The following ANKRD17 variants were observed in gnomAD, a reference collection of about 807,000 sequenced individuals.
ANKRD17 encodes ankyrin repeat domain-containing protein 17.
Under a neutral mutation model 229.7 loss-of-function variants are expected in ANKRD17, and 19 were observed. The ratio of observed to expected loss-of-function variants is 0.08; its 90% CI spans 0.06 to 0.12. The LOEUF (loss-of-function observed/expected upper bound fraction) is 0.12, where lower values mean the gene tolerates loss of function less well. Among genes scored for constraint, ANKRD17 ranks in the 10% least tolerant of loss-of-function variants. The probability of loss-of-function intolerance (pLI) is 1.00; values close to 1 mark genes in which losing one functional copy is unlikely to be tolerated. For missense variants in ANKRD17, 2,176 were observed against 3,176.8 expected (o/e 0.68, Z 7.57); for synonymous variants, 1,112 against 1,146.1 (o/e 0.97, Z 0.60).
chr4:73,106,501 C>A (rs1254236374), intron 24 of ANKRD17, among the ~76,000 whole-genome samples: 1 of 152,002 alleles, frequency 6.6e-6, no homozygotes, highest in African/African-American at 2.4e-5. Context: ...AGAGAGAAGA[C>A]CTGAATGTTT....
At chr4:73,232,355 TA>T (rs1282993141) in intron 1 of ANKRD17, among the ~76,000 whole-genome samples, 8 of 152,218 alleles carry the variant, frequency 5.3e-5, no homozygotes, top group Admixed American at 3.9e-4. Flanking sequence ...GTCCATCGGA[TA>T]AAATGTCATC....
At chr4:73,199,004 G>A (rs1481352031) in intron 1 of ANKRD17, among the ~76,000 whole-genome samples, 1 of 152,124 alleles carries the variant, frequency 6.6e-6, no homozygotes, top group East Asian at 1.9e-4. Context: ...ACAAATTCAA[G>A]AGAAAACTTC....
intron 1 of ANKRD17, among the ~76,000 whole-genome samples, chr4:73,179,358 G>A (rs1052305653): frequency 2.0e-4 from 29 of 148,398 alleles, no homozygotes; most frequent in Non-Finnish European, 4.2e-4. Flanking sequence ...ATGGCAAGGA[G>A]ATAAAAAATA....
intron 1 of ANKRD17, among the ~76,000 whole-genome samples, chr4:73,204,552 T>C (rs1739195062): frequency 6.6e-6 from 1 of 151,992 alleles, no homozygotes; most frequent in Non-Finnish European, 1.5e-5. Context: ...TTCAAGTGGA[T>C]AGAAAATGAT....
chr4:73,241,580 C>G (rs1388964680), intron 1 of ANKRD17, among the ~76,000 whole-genome samples: 1 of 152,140 alleles, frequency 6.6e-6, no homozygotes, highest in African/African-American at 2.4e-5. Flanking sequence ...AAATAAACCA[C>G]TTACTCTAAC....
At chr4:73,079,024 A>C in intron 30 of ANKRD17, 134 bp from the exon 31 acceptor site, 1 of 1,088,502 alleles carries the variant, frequency 9.2e-7, no homozygotes, top group Non-Finnish European at 1.3e-6. Context: ...TAATACTTAA[A>C]AATGATGCAT....
At chr4:73,123,707 T>C (rs1685268379) in intron 18 of ANKRD17, among the ~76,000 whole-genome samples, 1 of 152,066 alleles carries the variant, frequency 6.6e-6, no homozygotes, top group Non-Finnish European at 1.5e-5. Flanking sequence ...GGAATTATTA[T>C]ATCTATTAAA....
chr4:73,128,641 A>G (rs544426848), intron 16 of ANKRD17, among the ~76,000 whole-genome samples: 6 of 152,340 alleles, frequency 3.9e-5, no homozygotes, highest in African/African-American at 1.4e-4. Flanking sequence ...GACTCAAAGA[A>G]GCTTACTGAT....
intron 2 of ANKRD17, among the ~76,000 whole-genome samples, chr4:73,171,919 C>A (rs906947808): frequency 6.6e-6 from 1 of 151,914 alleles, no homozygotes; most frequent in East Asian, 1.9e-4. Flanking sequence ...CCTACAAGAT[C>A]CAGAAAACAG....
At chr4:73,199,932 T>C (rs1044540161) in intron 1 of ANKRD17, among the ~76,000 whole-genome samples, 6 of 152,222 alleles carry the variant, frequency 3.9e-5, no homozygotes, top group African/African-American at 1.4e-4. Context: ...GATTTTCTTA[T>C]ATTTTTTATC....
At chr4:73,199,433 G>A (rs1179822267) in intron 1 of ANKRD17, among the ~76,000 whole-genome samples, 1 of 152,064 alleles carries the variant, frequency 6.6e-6, no homozygotes, top group Non-Finnish European at 1.5e-5. Context: ...TTTATATAGA[G>A]TACCCCTATT....
chr4:73,172,251 C>T lies in ANKRD17; in HGVS notation c.547+5129G>A, dbSNP rs1188171314. Among the ~76,000 whole-genome samples the T allele has an allele frequency of 3.3e-5, 5 of 152,034 alleles. No homozygotes were observed. In the South Asian group the frequency reaches 6.2e-4, roughly 19 times the overall value. On this transcript the variant is annotated intron_variant, in intron 2 of 33. Coordinates refer to ENST00000358602, the MANE Select transcript of ANKRD17 (RefSeq NM_032217.5). Reference sequence around the variant, plus strand: ...GACTTTTCAGTGGAAACCTTACAGCCCAGGAGAGAGTGGCATGACATAAAG... The same window carrying T: ...GACTTTTCAGTGGAAACCTTACAGCTCAGGAGAGAGTGGCATGACATAAAG...
chr4:73,162,952 C>T (rs1309334249), intron 2 of ANKRD17, among the ~76,000 whole-genome samples: 3 of 151,768 alleles, frequency 2.0e-5, no homozygotes, highest in Non-Finnish European at 4.4e-5. Context: ...CTCGACCTCC[C>T]GGGCTCAAGT....
At chr4:73,191,507 C>G (rs556849513) in intron 1 of ANKRD17, among the ~76,000 whole-genome samples, 2 of 151,292 alleles carry the variant, frequency 1.3e-5, no homozygotes, top group East Asian at 3.9e-4. Context: ...TGGAAAGACA[C>G]AAAACCTAGA....
chr4:73,206,426 G>T (rs1402284970), intron 1 of ANKRD17, among the ~76,000 whole-genome samples: 1 of 96,610 alleles, frequency 1.0e-5, no homozygotes, highest in East Asian at 2.9e-4. Flanking sequence ...GAAAGAAAGT[G>T]AGAGAGAGAG....
intron 30 of ANKRD17, among the ~76,000 whole-genome samples, chr4:73,084,978 C>T (rs558857801): frequency 4.6e-5 from 7 of 151,904 alleles, no homozygotes; most frequent in East Asian, 1.9e-4. Context: ...AGGAGTTTGA[C>T]GAAACCAGCG....
intron 3 of ANKRD17, 75 bp downstream of exon 3, chr4:73,161,117 C>A: frequency 1.3e-6 from 2 of 1,536,010 alleles, no homozygotes; most frequent in South Asian, 2.5e-5. Context: ...AAAATAAATG[C>A]TCAGTAAATG....
rs549195822 is a variant in ANKRD17 at position 73,074,831 on chromosome 4, A to G, written c.*1400T>C. The G allele has an allele frequency of 1.3e-5, 2 of 152,580 alleles. No homozygotes were observed. Among genetic ancestry groups the G allele is most frequent in the African/African-American group, 4.8e-5 (2 of 41,568 alleles). 9.5% of individuals were successfully genotyped at this position (152,580 alleles called of 1,614,324 possible). A position where few individuals can be genotyped will look rare whatever the true frequency, so the allele number is the denominator to read the frequency against. ...GCTTACTTTCTTTTACATTTCAACC[A>G]TATAATTAATTTTTCCATGAGACAG... is the stretch of plus-strand genomic sequence containing the variant. On this transcript the variant is annotated 3_prime_UTR_variant, in exon 34 of 34. Transcript: ENST00000358602.
chr4:73,186,117 C>T (rs1321033743), intron 1 of ANKRD17, among the ~76,000 whole-genome samples: 1 of 151,978 alleles, frequency 6.6e-6, no homozygotes, highest in Non-Finnish European at 1.5e-5. Flanking sequence ...AATTTAGTCT[C>T]TTCTGAACAT....
Sources: allele counts gnomAD v4.1 joint callset (sites outside exome capture counted in the v4.1 genomes callset), GRCh38; gene constraint gnomAD v4.1.1; transcripts MANE v1.5; gene names NCBI Gene and HGNC (gene_info 2026-07-23, HGNC 2026-07-21).